Variants in CYRIB observed in about 807,000 individuals in gnomAD.
CYRIB encodes the protein CYFIP related Rac1 interactor B, also known as CYFIP-related Rac1 interactor B.
Under a neutral mutation model 44.2 loss-of-function variants are expected in CYRIB, and 8 were observed. The ratio of observed to expected loss-of-function variants is 0.18; its 90% CI spans 0.11 to 0.33. CYRIB has a LOEUF of 0.33. Ranked by LOEUF, CYRIB falls within the 10% of genes least tolerant of loss-of-function variation. The pLI is 1.00. For missense variants in CYRIB, 185 were observed against 382.8 expected (o/e 0.48, Z 4.31); for synonymous variants, 131 against 127.2 (o/e 1.03, Z -0.20).
chr8:129,919,957 C>A (rs1411014981), intron 1 of CYRIB, among the ~76,000 whole-genome samples: 1 of 152,100 alleles, frequency 6.6e-6, no homozygotes, highest in Non-Finnish European at 1.5e-5. Flanking sequence ...TCAATAATTT[C>A]TATCCCGTTT....
intron 1 of CYRIB, among the ~76,000 whole-genome samples, chr8:129,925,547 C>CT (rs2087081944): frequency 6.6e-6 from 1 of 152,194 alleles, no homozygotes; most frequent in African/African-American, 2.4e-5. Context: ...CTTATACCTA[C>CT]TCTTTTGGGT....
intron 1 of CYRIB, among the ~76,000 whole-genome samples, chr8:130,013,168 T>G (rs1441544925): frequency 6.6e-6 from 1 of 152,142 alleles, no homozygotes; most frequent in Non-Finnish European, 1.5e-5. Context: ...TGGATGGTGA[T>G]CACTATTATA....
intron 1 of CYRIB, among the ~76,000 whole-genome samples, chr8:129,928,744 A>G (rs1187908436): frequency 3.9e-5 from 6 of 152,156 alleles, no homozygotes; most frequent in Non-Finnish European, 8.8e-5. Flanking sequence ...GGAAACTCAA[A>G]CCACAATGTA....
intron 1 of CYRIB, among the ~76,000 whole-genome samples, chr8:129,915,173 T>C (rs1415473246): frequency 6.6e-6 from 1 of 152,196 alleles, no homozygotes; most frequent in African/African-American, 2.4e-5. Flanking sequence ...ATTATGTTCA[T>C]ACAAAGAATC....
chr8:129,925,068 A>G (rs1275203012), intron 1 of CYRIB, among the ~76,000 whole-genome samples: 1 of 152,148 alleles, frequency 6.6e-6, no homozygotes, highest in Non-Finnish European at 1.5e-5. Context: ...TGGGGCAATT[A>G]TGTGCTATCA....
At chr8:129,953,009 A>G (rs756274826) in intron 2 of CYRIB, among the ~76,000 whole-genome samples, 5 of 152,154 alleles carry the variant, frequency 3.3e-5, no homozygotes, top group Admixed American at 6.6e-5. Flanking sequence ...GGCAAGAAGA[A>G]AGAGGCCCAC....
At chr8:129,943,842 G>A (rs545085042), upstream of CYRIB, among the ~76,000 whole-genome samples, 12 of 144,770 alleles carry the variant, frequency 8.3e-5, no homozygotes, top group Middle Eastern at 3.8e-3. Flanking sequence ...CACGTGATCC[G>A]CCCGCCTCGG....
intron 5 of CYRIB, among the ~76,000 whole-genome samples, chr8:129,860,929 A>C (rs2049075973): frequency 6.6e-6 from 1 of 151,768 alleles, no homozygotes; most frequent in Non-Finnish European, 1.5e-5. Flanking sequence ...AGAAATTTTC[A>C]AAATTATGTG....
At chr8:129,849,356 T>G in exon 10 of CYRIB, 1 of 1,611,796 alleles carries the variant, frequency 6.2e-7, no homozygotes, top group Middle Eastern at 1.7e-4. Flanking sequence ...TTTGTAAATC[T>G]GCTTCTGTAT....
chr8:129,922,469 G>A (rs946338086), intron 1 of CYRIB, among the ~76,000 whole-genome samples: 1 of 152,008 alleles, frequency 6.6e-6, no homozygotes, highest in African/African-American at 2.4e-5. Context: ...GAGGTCCCAG[G>A]ATAATTAAAA....
chr8:129,985,900 C>T (rs1256457239), intron 1 of CYRIB, among the ~76,000 whole-genome samples: 5 of 152,308 alleles, frequency 3.3e-5, no homozygotes, highest in Non-Finnish European at 7.3e-5. Context: ...CTACCCTGAA[C>T]ACTTTCAAAC....
At chr8:129,845,474 G>A (rs1401992965) in intron 11 of CYRIB, among the ~76,000 whole-genome samples, 1 of 152,098 alleles carries the variant, frequency 6.6e-6, no homozygotes, top group Non-Finnish European at 1.5e-5. Flanking sequence ...CTAAAAACTA[G>A]GCTTATGGTT....
intron 5 of CYRIB, among the ~76,000 whole-genome samples, chr8:129,857,953 T>C (rs956747499): frequency 1.3e-5 from 2 of 152,260 alleles, no homozygotes; most frequent in Non-Finnish European, 2.9e-5. Flanking sequence ...GTCAGGTCGC[T>C]TGACTAAGTT....
upstream of CYRIB, among the ~76,000 whole-genome samples, chr8:129,941,272 GATT>G (rs1390979074): frequency 2.4e-5 from 3 of 124,988 alleles, no homozygotes; most frequent in Non-Finnish European, 3.3e-5. Context: ...AACTGAAGGA[GATT>G]TTTTTTTTTT....
chr8:129,862,214 A>C lies in CYRIB; in HGVS notation c.301+15T>G, dbSNP rs2050137002. 6 of 1,578,998 alleles carry C rather than the reference A, an allele frequency of 3.8e-6. No individual in the cohort carries two copies. The highest frequency in any genetic ancestry group is 5.2e-6 in the Non-Finnish European group (6 of 1,150,480). On this transcript the variant is annotated intron_variant, in intron 5 of 11. Transcript: ENST00000519824. ...TTTCACTAGGGAAGTCACAATTACA[A>C]AACTTTCAACTTACCTAACCTCTGA...
intron 1 of CYRIB, among the ~76,000 whole-genome samples, chr8:129,934,433 T>G (rs2092397705): frequency 6.6e-6 from 1 of 152,214 alleles, no homozygotes; most frequent in South Asian, 2.1e-4. Context: ...CACATTATGA[T>G]ATGTCATATC....
intron 2 of CYRIB, among the ~76,000 whole-genome samples, chr8:129,948,339 C>T (rs2094299835): frequency 6.6e-6 from 1 of 152,174 alleles, no homozygotes; most frequent in African/African-American, 2.4e-5. Context: ...GGCTGTTCCC[C>T]ACCATGCTGA....
chr8:129,951,059 C>T (rs1002519674), intron 2 of CYRIB, among the ~76,000 whole-genome samples: 2 of 152,188 alleles, frequency 1.3e-5, no homozygotes, highest in Admixed American at 6.5e-5. Flanking sequence ...AATCCCAGCA[C>T]TTTAGGAGGC....
At chr8:129,857,463 AG>A (rs2046825134) in intron 5 of CYRIB, among the ~76,000 whole-genome samples, 1 of 152,198 alleles carries the variant, frequency 6.6e-6, no homozygotes. Context: ...CCACCAATAT[AG>A]GAGCACAGAG....
Sources: gnomAD v4.1 joint callset for allele counts (sites outside exome capture counted in the v4.1 genomes callset) on GRCh38, gnomAD v4.1.1 for gene constraint, MANE v1.5 for transcripts, NCBI Gene and HGNC (gene_info 2026-07-23, HGNC 2026-07-21) for gene names.